GABBR2: variants seen among roughly 807,000 people sequenced by gnomAD.
GABBR2 encodes the protein gamma-aminobutyric acid type B receptor subunit 2.
Under a neutral mutation model 105.6 loss-of-function variants are expected in GABBR2, and 23 were observed. That is an observed-to-expected ratio of 0.22 (90% CI 0.16 to 0.31). The LOEUF is 0.31. Among genes scored for constraint, GABBR2 ranks in the 10% least tolerant of loss-of-function variants. The probability of loss-of-function intolerance (pLI) is 1.00; values close to 1 mark genes in which losing one functional copy is unlikely to be tolerated. For missense variants in GABBR2, 734 were observed against 1,245.5 expected, an observed-to-expected ratio of 0.59 and a Z score of 6.18; for synonymous variants, 478 against 499.7, an observed-to-expected ratio of 0.96 and a Z score of 0.58.
At chr9:98,610,287 G>A (rs1195054601) in intron 1 of GABBR2, among the ~76,000 whole-genome samples, 1 of 152,188 alleles carries the variant, frequency 6.6e-6, no homozygotes, top group African/African-American at 2.4e-5. Context: ...TATTTCATGA[G>A]GTTTAAAATG....
At position 98,478,368 on chromosome 9, in the gene GABBR2, C is replaced by A. The variant is rs1588183640; in HGVS notation, c.798+2564G>T. Among the ~76,000 whole-genome samples the A allele has an allele frequency of 3.3e-5, 5 of 152,120 alleles. No homozygotes were observed. The South Asian group carries it at 1.0e-3, about 32-fold the overall frequency. On this transcript the variant is annotated intron_variant, in intron 5 of 18. Transcript: ENST00000259455. ...AAAACATTGAACAGTCTCCTTAGGA[C>A]CTTCTGGACCTTCCAGAAGAACTCC...
In GABBR2 at chr9:98,388,768, A is replaced by G; in HGVS notation, c.1529+86T>C. ...CCTGCAGACTTCTGTGTCCCTGGGG[A>G]ATCTGTCATGTGGCACTCCTATACT... On this transcript the variant is annotated intron_variant, in intron 10 of 18. Transcript: ENST00000259455. This position sits in a 1 kb window ranked among gnomAD's most constrained non-coding sequence, Gnocchi z 4.4. The G allele has an allele frequency of 9.3e-7, 1 of 1,072,470 alleles. No individual in the cohort carries two copies. Among genetic ancestry groups the G allele is most frequent in the South Asian group, 1.8e-5 (1 of 55,266 alleles). 66.4% of individuals were successfully genotyped at this position (1,072,470 alleles called of 1,614,324 possible). A position where few individuals can be genotyped will look rare whatever the true frequency, so the allele number is the denominator to read the frequency against.
At chr9:98,465,144 A>AG (rs1409524769) in intron 6 of GABBR2, among the ~76,000 whole-genome samples, 3 of 149,518 alleles carry the variant, frequency 2.0e-5, no homozygotes, top group Non-Finnish European at 3.0e-5. Flanking sequence ...AAAAAAAAAA[A>AG]AAAGAAAAAT....
chr9:98,373,929 C>T (rs965315730), intron 11 of GABBR2, among the ~76,000 whole-genome samples: 2 of 143,244 alleles, frequency 1.4e-5, no homozygotes, highest in African/African-American at 5.3e-5. Context: ...ACAATCACAG[C>T]TCATTTCAGC....
intron 2 of GABBR2, among the ~76,000 whole-genome samples, chr9:98,555,321 C>T (rs1828566170): frequency 6.6e-6 from 1 of 152,194 alleles, no homozygotes; most frequent in South Asian, 2.1e-4. Flanking sequence ...GTGGCTGCCA[C>T]CAGGCAGGGA....
At chr9:98,310,711 G>A (rs1398165294) in intron 14 of GABBR2, among the ~76,000 whole-genome samples, 3 of 152,182 alleles carry the variant, frequency 2.0e-5, no homozygotes, top group Non-Finnish European at 4.4e-5. Context: ...TTAAGAGAGG[G>A]TCCGCTGAAA....
chr9:98,381,394 C>T (rs1198785066), intron 11 of GABBR2, among the ~76,000 whole-genome samples: 1 of 152,148 alleles, frequency 6.6e-6, no homozygotes, highest in East Asian at 1.9e-4. Flanking sequence ...CTGGGAGCAG[C>T]CTTCTAGGTC....
intron 3 of GABBR2, among the ~76,000 whole-genome samples, chr9:98,515,608 G>T (rs1362488733): frequency 6.6e-6 from 1 of 151,912 alleles, no homozygotes; most frequent in Non-Finnish European, 1.5e-5. Context: ...GAACTGAAGG[G>T]CTGGGACTCG....
At chr9:98,656,030 G>A (rs1393487380) in intron 1 of GABBR2, among the ~76,000 whole-genome samples, 2 of 152,138 alleles carry the variant, frequency 1.3e-5, no homozygotes, top group African/African-American at 4.8e-5. Flanking sequence ...CAAAGCCACT[G>A]GGAGTCCTAA....
chr9:98,657,396 C>T (rs1387718066), intron 1 of GABBR2, among the ~76,000 whole-genome samples: 2 of 152,220 alleles, frequency 1.3e-5, no homozygotes, highest in African/African-American at 4.8e-5. Flanking sequence ...ACCCTCCCAG[C>T]AGGCGTTAAC....
chr9:98,501,132 C>CG (rs1183811917), intron 3 of GABBR2, among the ~76,000 whole-genome samples: 1 of 145,208 alleles, frequency 6.9e-6, no homozygotes, highest in Non-Finnish European at 1.5e-5. Flanking sequence ...ACTGCCCCCC[C>CG]CCCTTCCCCG....
At chr9:98,606,985 C>T in intron 1 of GABBR2, 1 of 824,218 alleles carries the variant, frequency 1.2e-6, no homozygotes, top group Admixed American at 1.7e-5. Context: ...CTGCTCGCCC[C>T]ATGTCGCTCG....
At chr9:98,422,496 C>CTGTGTG (rs370880704) in intron 7 of GABBR2, among the ~76,000 whole-genome samples, 2,386 of 146,448 alleles carry the variant, frequency 0.016, 75 homozygotes, top group African/African-American at 0.055. Context: ...CTTAATGCAC[C>CTGTGTG]TGTGTGTGTG....
chr9:98,505,454 G>T (rs867817963), intron 3 of GABBR2, among the ~76,000 whole-genome samples: 2 of 145,298 alleles, frequency 1.4e-5, no homozygotes, highest in African/African-American at 2.5e-5. Context: ...GTGTGTGTGT[G>T]TGTGCATGTG....
intron 1 of GABBR2, among the ~76,000 whole-genome samples, chr9:98,612,173 C>CTCTG (rs1185899508): frequency 6.6e-6 from 1 of 152,246 alleles, no homozygotes; most frequent in East Asian, 1.9e-4. Flanking sequence ...TCAGGCCCAG[C>CTCTG]ATGGCCTGCA....
rs139193897 is a variant in GABBR2 at position 98,686,310 on chromosome 9, C to T, written c.321+22107G>A. Among the ~76,000 whole-genome samples, 1,194 of 152,260 alleles carry T rather than the reference C, an allele frequency of 7.8e-3. 18 individuals carry two copies. Among genetic ancestry groups the T allele is most frequent in the African/African-American group, 0.027 (1,111 of 41,528 alleles). ...TGGGGTATGGCTCGCCACTGGTCCA[C>T]GCTGTATTTGGAACTGAGCCCAGTT... On this transcript the variant is annotated intron_variant, in intron 1 of 18. Transcript: ENST00000259455.
At chr9:98,447,533 A>ATG (rs777181645) in intron 7 of GABBR2, among the ~76,000 whole-genome samples, 47 of 105,072 alleles carry the variant, frequency 4.5e-4, no homozygotes, top group African/African-American at 1.6e-3. Context: ...TGTAACTAGT[A>ATG]TGTATGTGTG....
intron 2 of GABBR2, 58 bp downstream of exon 2, chr9:98,577,877 A>C (rs1401504225): frequency 6.5e-7 from 1 of 1,532,450 alleles, no homozygotes; most frequent in Non-Finnish European, 8.9e-7. Flanking sequence ...AATTCCTGCA[A>C]AAGACTGAGG....
At chr9:98,652,085 T>TAATACCCC (rs1375670242) in intron 1 of GABBR2, among the ~76,000 whole-genome samples, 2 of 152,198 alleles carry the variant, frequency 1.3e-5, no homozygotes, top group African/African-American at 4.8e-5. Context: ...CTGTCTACTA[T>TAATACCCC]ATGTTTGTAA....
Sources: allele counts gnomAD v4.1 joint callset (sites outside exome capture counted in the v4.1 genomes callset), GRCh38; gene constraint gnomAD v4.1.1; non-coding constraint Gnocchi (gnomAD v3.1); transcripts MANE v1.5; gene names NCBI Gene and HGNC (gene_info 2026-07-23, HGNC 2026-07-21).